CERT1: variants seen among roughly 807,000 people sequenced by gnomAD.
CERT1 encodes ceramide transporter 1.
Under a neutral mutation model 87.9 loss-of-function variants are expected in CERT1, and 31 were observed. That is an observed-to-expected ratio of 0.35 (90% CI 0.27 to 0.48). CERT1 has a LOEUF of 0.48. Ranked by LOEUF, CERT1 falls within the 20% of genes least tolerant of loss-of-function variation. The pLI, the probability that CERT1 is intolerant of heterozygous loss-of-function variation, is 0.99. For synonymous variants in CERT1, 289 were observed against 250.9 expected (o/e 1.15, Z -1.44); for missense variants, 487 against 758.0 (o/e 0.64, Z 4.20).
At chr5:75,433,004 T>C (rs1180886173) in intron 3 of CERT1, among the ~76,000 whole-genome samples, 1 of 152,190 alleles carries the variant, frequency 6.6e-6, no homozygotes, top group Non-Finnish European at 1.5e-5. Flanking sequence ...GAACAGATGG[T>C]TGTGGTTGTG....
chr5:75,401,797 A>AT (rs1445939585), intron 9 of CERT1: 1 of 152,232 alleles, frequency 6.6e-6, no homozygotes, highest in African/African-American at 2.4e-5. Flanking sequence ...CATAATAGCC[A>AT]TGACTGTCTT....
At chr5:75,439,088 T>C (rs1165735337) in intron 3 of CERT1, among the ~76,000 whole-genome samples, 1 of 151,916 alleles carries the variant, frequency 6.6e-6, no homozygotes, top group Admixed American at 6.6e-5. Flanking sequence ...AATATATATA[T>C]ACCTTTATGC....
chr5:75,445,720 C>T (rs1363745924), intron 3 of CERT1, among the ~76,000 whole-genome samples: 1 of 152,174 alleles, frequency 6.6e-6, no homozygotes, highest in East Asian at 1.9e-4. Flanking sequence ...TCTCAAACTC[C>T]TGGTGTTAAA....
chr5:75,398,573 A>G (rs943162954), intron 11 of CERT1, among the ~76,000 whole-genome samples: 1 of 152,148 alleles, frequency 6.6e-6, no homozygotes, highest in Non-Finnish European at 1.5e-5. Flanking sequence ...AGAAAGATAA[A>G]AAGTTGAATG....
chr5:75,391,128 T>C (rs1762014679), intron 11 of CERT1, among the ~76,000 whole-genome samples: 1 of 152,168 alleles, frequency 6.6e-6, no homozygotes, highest in African/African-American at 2.4e-5. Context: ...CCACATCCAG[T>C]TAATTTTTTG....
chr5:75,493,689 T>C (rs1001897197), intron 2 of CERT1, among the ~76,000 whole-genome samples: 2 of 152,218 alleles, frequency 1.3e-5, no homozygotes, highest in African/African-American at 4.8e-5. Context: ...ATGATTTCAA[T>C]GTAAAACTCT....
chr5:75,477,758 A>T (rs1223087491), intron 2 of CERT1, among the ~76,000 whole-genome samples: 1 of 151,154 alleles, frequency 6.6e-6, no homozygotes, highest in Admixed American at 6.6e-5. Context: ...TTGTATATAT[A>T]AAAAAAATCA....
intron 2 of CERT1, among the ~76,000 whole-genome samples, chr5:75,491,189 G>A (rs556082762): frequency 6.6e-6 from 1 of 152,038 alleles, no homozygotes; most frequent in Admixed American, 6.5e-5. Context: ...TCGTTTAATG[G>A]CATCTTTTTC....
intron 14 of CERT1, among the ~76,000 whole-genome samples, chr5:75,384,124 A>C (rs1000508057): frequency 6.6e-6 from 1 of 152,200 alleles, no homozygotes; most frequent in East Asian, 1.9e-4. Flanking sequence ...TGTCACAGGA[A>C]GCTATAATTC....
At chr5:75,439,679 T>C (rs1239018636) in intron 3 of CERT1, among the ~76,000 whole-genome samples, 1 of 152,058 alleles carries the variant, frequency 6.6e-6, no homozygotes, top group Non-Finnish European at 1.5e-5. Flanking sequence ...GCTGACTGTG[T>C]TGTGAGCATC....
Position 75,379,477 on chromosome 5 carries a change from C to A in CERT1, c.1748-4G>T. On this transcript the variant is annotated splice_polypyrimidine_tract_variant and splice_region_variant and intron_variant, in intron 16 of 16. Transcript: ENST00000643780. Reference sequence around the variant, plus strand: ...GGTGCCCATCCTCCAGGGTTCACTGCAAGATAAAGGAAAATTAAAATGTAT... The same window carrying A: ...GGTGCCCATCCTCCAGGGTTCACTGAAAGATAAAGGAAAATTAAAATGTAT... The A allele has an allele frequency of 6.2e-7, 1 of 1,606,812 alleles. No individual in the cohort carries two copies. The highest frequency in any genetic ancestry group is 8.5e-7 in the Non-Finnish European group (1 of 1,177,886).
intron 3 of CERT1, among the ~76,000 whole-genome samples, chr5:75,448,399 C>T (rs1479576814): frequency 6.6e-6 from 1 of 152,184 alleles, no homozygotes; most frequent in East Asian, 1.9e-4. Flanking sequence ...CTGCGGGATA[C>T]TAATTTACTT....
Position 75,379,158 on chromosome 5 carries a change from G to T in CERT1, c.*188C>A. 1 of 546,924 alleles carries T rather than the reference G, an allele frequency of 1.8e-6. No homozygotes were observed. Among genetic ancestry groups the T allele is most frequent in the Non-Finnish European group, 3.2e-6 (1 of 312,656 alleles). The allele number at this position is 546,924 out of a possible 1,614,324, so 33.9% of individuals were successfully genotyped here. On this transcript the variant is annotated 3_prime_UTR_variant, in exon 17 of 17. Transcript: ENST00000643780. ...GATGGTGTCATTGCACTTCAGCTTA[G>T]GAAACAGAGCAAGACCCTGTTTAAA...
chr5:75,401,007 G>A (rs1403647032), intron 9 of CERT1: 1 of 152,136 alleles, frequency 6.6e-6, no homozygotes, highest in Admixed American at 6.6e-5. Context: ...CTATTTAATG[G>A]CTGTGTTGTT....
In CERT1 at chr5:75,441,612, T is replaced by C. The variant is rs192215584; in HGVS notation, c.349-15134A>G. Among the ~76,000 whole-genome samples, 13 of 152,338 alleles carry C rather than the reference T, an allele frequency of 8.5e-5. No homozygotes were observed. The East Asian group carries it at 2.5e-3, about 29-fold the overall frequency. On this transcript the variant is annotated intron_variant, in intron 3 of 16. Transcript: ENST00000643780. ...CCCCTATCCCTGGCAATCACCATTC[T>C]ACTTTCTGTCTCTATGAATTTGACT...
intron 2 of CERT1, among the ~76,000 whole-genome samples, chr5:75,474,075 G>A (rs920408575): frequency 2.0e-5 from 3 of 152,120 alleles, no homozygotes; most frequent in Non-Finnish European, 4.4e-5. Flanking sequence ...CCTAAACCCA[G>A]TAGTTAAAAA....
intron 2 of CERT1, among the ~76,000 whole-genome samples, chr5:75,481,207 C>A (rs538734377): frequency 6.6e-6 from 1 of 152,314 alleles, no homozygotes; most frequent in African/African-American, 2.4e-5. Context: ...TCCTTTACAA[C>A]TGCTGTTCCT....
At chr5:75,476,695 G>C (rs1407164066) in intron 2 of CERT1, among the ~76,000 whole-genome samples, 4 of 152,154 alleles carry the variant, frequency 2.6e-5, no homozygotes, top group African/African-American at 9.7e-5. Context: ...ATGATAACTT[G>C]TTGGATATAT....
At chr5:75,457,435 C>T (rs1159657600) in intron 3 of CERT1, among the ~76,000 whole-genome samples, 2 of 152,166 alleles carry the variant, frequency 1.3e-5, no homozygotes, top group African/African-American at 4.8e-5. Context: ...GGCCTGGCTC[C>T]AGAGCATTGA....
Sources: gnomAD v4.1 joint callset for allele counts (sites outside exome capture counted in the v4.1 genomes callset) on GRCh38, gnomAD v4.1.1 for gene constraint, MANE v1.5 for transcripts, NCBI Gene and HGNC (gene_info 2026-07-23, HGNC 2026-07-21) for gene names.